Variants in XPNPEP1 observed in about 807,000 individuals in gnomAD.
XPNPEP1 encodes the protein X-prolyl aminopeptidase 1.
Under a neutral mutation model 92.4 loss-of-function variants are expected in XPNPEP1, and 39 were observed. The ratio of observed to expected loss-of-function variants is 0.42; its 90% CI spans 0.33 to 0.55. XPNPEP1 has a LOEUF of 0.55. Among genes scored for constraint, XPNPEP1 ranks in the 20% least tolerant of loss-of-function variants. The pLI, the probability that XPNPEP1 is intolerant of heterozygous loss-of-function variation, is 0.08. For synonymous variants in XPNPEP1, 307 were observed against 299.4 expected, an observed-to-expected ratio of 1.03 and a Z score of -0.26; for missense variants, 654 against 856.1, an observed-to-expected ratio of 0.76 and a Z score of 2.95.
intron 1 of XPNPEP1, among the ~76,000 whole-genome samples, chr10:109,920,179 TAA>T (rs1392598585): frequency 6.6e-6 from 1 of 152,156 alleles, no homozygotes; most frequent in Admixed American, 6.5e-5. Context: ...GGCAAATCGG[TAA>T]AGACAGGAAG....
chr10:109,884,180 T>C (rs1310458026), intron 8 of XPNPEP1, 32 bp from the exon 9 acceptor site: 1 of 1,608,482 alleles, frequency 6.2e-7, no homozygotes, highest in East Asian at 2.2e-5. Context: ...CTGTCACCTG[T>C]CTGACTTAAG....
At chr10:109,910,356 C>G (rs1307643141) in intron 2 of XPNPEP1, among the ~76,000 whole-genome samples, 1 of 152,092 alleles carries the variant, frequency 6.6e-6, no homozygotes, top group Non-Finnish European at 1.5e-5. Context: ...ACCAGCCTGA[C>G]CAACATAGAG....
At chr10:109,884,229 A>G (rs1589573240) in intron 8 of XPNPEP1, 81 bp from the exon 9 acceptor site, 2 of 1,344,288 alleles carry the variant, frequency 1.5e-6, no homozygotes, top group Non-Finnish European at 2.1e-6. Flanking sequence ...GAAGAGCTTC[A>G]GCTTGGAGTC....
intron 10 of XPNPEP1, 125 bp downstream of exon 10, chr10:109,882,307 T>C (rs1320745691): frequency 1.8e-6 from 2 of 1,100,882 alleles, no homozygotes; most frequent in East Asian, 5.1e-5. Context: ...CTTTAAGGCC[T>C]CATCCATGGA....
At chr10:109,899,228 C>A (rs1458006511) in intron 3 of XPNPEP1, among the ~76,000 whole-genome samples, 1 of 152,200 alleles carries the variant, frequency 6.6e-6, no homozygotes, top group Non-Finnish European at 1.5e-5. Context: ...AGCTGCCCAG[C>A]CAGGCCTTCA....
At chr10:109,895,505 A>G (rs1437143177) in intron 3 of XPNPEP1, among the ~76,000 whole-genome samples, 1 of 152,248 alleles carries the variant, frequency 6.6e-6, no homozygotes, top group African/African-American at 2.4e-5. Flanking sequence ...ATGTCCAGAC[A>G]TGACCTAAGT....
At position 109,870,787 on chromosome 10, in the gene XPNPEP1, A is replaced by T; in HGVS notation, c.1640T>A (p.Ile547Asn). 1 of 1,614,136 alleles carries T rather than the reference A, an allele frequency of 6.2e-7. No homozygotes were observed. Among genetic ancestry groups the T allele is most frequent in the Non-Finnish European group, 8.5e-7 (1 of 1,180,014 alleles). Residue 547 changes from isoleucine (I) to asparagine (N), a missense_variant, in exon 18 of 21, where the codon ATC (isoleucine) becomes AAC (asparagine). By Grantham distance (149) the Ile-to-Asn change is moderately radical (BLOSUM62 -3). Coordinates refer to ENST00000502935, the MANE Select transcript of XPNPEP1 (RefSeq NM_020383.4). ...FLNVHEGPCG[I>N]SYKTFSDEPL... ...CTCATCAGAGAATGTTTTGTAACTG[A>T]TGCCGCAAGGACCCTCATGGACATT...
At chr10:109,900,337 CCTCT>C (rs1459233338) in intron 3 of XPNPEP1, among the ~76,000 whole-genome samples, 2 of 152,262 alleles carry the variant, frequency 1.3e-5, no homozygotes, top group South Asian at 2.1e-4. Flanking sequence ...GGAACAGCAG[CCTCT>C]CTATTACTGA....
chr10:109,869,777 G>C, intron 19 of XPNPEP1, 176 bp downstream of exon 19: 1 of 569,818 alleles, frequency 1.8e-6, no homozygotes, highest in Non-Finnish European at 3.1e-6. Context: ...AAGGCTCCAT[G>C]TTGGCCCCAG....
Position 109,882,591 on chromosome 10 carries a change from C to G in XPNPEP1, c.882G>C (p.Leu294=), listed in dbSNP as rs762883933. Residue 294 remains leucine (L), a synonymous_variant, in exon 10 of 21, where the codon CTG becomes CTC. Coordinates refer to ENST00000502935, the MANE Select transcript of XPNPEP1 (RefSeq NM_020383.4). ...RIDAPSVKEH[L]LLDLGLEAEY... ...CGGCTTCCAGACCCAAGTCAAGAAGCAGGTGCTCCTTCACACTGGGGGCGT... is the reference window on the plus strand; with the variant it reads ...CGGCTTCCAGACCCAAGTCAAGAAGGAGGTGCTCCTTCACACTGGGGGCGT... 2 of 1,614,192 alleles carry G rather than the reference C, an allele frequency of 1.2e-6. No homozygotes were observed. The highest frequency in any genetic ancestry group is 2.2e-5 in the East Asian group (1 of 44,888).
In XPNPEP1 at chr10:109,882,647, A is replaced by C; in HGVS notation, c.831-5T>G. ...CGGTCACCATCAATGAAGAGCCTGC[A>C]GATGGAGGAGAGGTGGGTGGCAGAA... On this transcript the variant is annotated splice_polypyrimidine_tract_variant and splice_region_variant and intron_variant, in intron 9 of 20. Transcript: ENST00000502935. 6.2e-7 allele frequency: 1 copy of C among 1,614,026 alleles called. No homozygotes were observed. Among genetic ancestry groups the C allele is most frequent in the Non-Finnish European group, 8.5e-7 (1 of 1,179,906 alleles).
At chr10:109,888,409 C>G (rs550654703) in intron 6 of XPNPEP1, 94 bp downstream of exon 6, 53 of 1,330,212 alleles carry the variant, frequency 4.0e-5, no homozygotes, top group East Asian at 2.7e-4. Context: ...GCTGAGCCCC[C>G]CAGTGCTCCA....
chr10:109,907,578 G>A (rs1362285903), intron 3 of XPNPEP1, 113 bp downstream of exon 3: 1 of 1,498,678 alleles, frequency 6.7e-7, no homozygotes, highest in Non-Finnish European at 9.0e-7. Context: ...AGCAAGCCCT[G>A]GAAGGGCTTG....
chr10:109,875,404 T>G (rs1166686678), intron 15 of XPNPEP1, 124 bp downstream of exon 15: 12 of 755,858 alleles, frequency 1.6e-5, no homozygotes, highest in Non-Finnish European at 2.4e-5. Flanking sequence ...ACAGGAACGA[T>G]TCCATTAGTG....
intron 3 of XPNPEP1, among the ~76,000 whole-genome samples, chr10:109,905,193 C>T (rs908183132): frequency 6.6e-6 from 1 of 152,076 alleles, no homozygotes; most frequent in Non-Finnish European, 1.5e-5. Flanking sequence ...CAATTACATG[C>T]GTTATCTAAA....
intron 3 of XPNPEP1, among the ~76,000 whole-genome samples, chr10:109,901,174 A>G (rs1849268448): frequency 6.7e-6 from 1 of 149,192 alleles, no homozygotes; most frequent in Non-Finnish European, 1.5e-5. Flanking sequence ...TGAGCAAACT[A>G]TCGCAAGGAC....
chr10:109,891,503 C>A, intron 5 of XPNPEP1: 1 of 412,104 alleles, frequency 2.4e-6, no homozygotes, highest in Non-Finnish European at 4.3e-6. Flanking sequence ...CTCAGTTTCC[C>A]CTCAGTAAAA....
chr10:109,908,845 A>G (rs1849699390), intron 2 of XPNPEP1, among the ~76,000 whole-genome samples: 1 of 152,196 alleles, frequency 6.6e-6, no homozygotes, highest in African/African-American at 2.4e-5. Flanking sequence ...ATATCCAGCT[A>G]CAGATTTAGA....
chr10:109,875,928 G>A (rs1027342066), intron 14 of XPNPEP1: 17 of 246,904 alleles, frequency 6.9e-5, no homozygotes, highest in Admixed American at 9.9e-5. Flanking sequence ...AGAACGATTA[G>A]ATGCAACAGG....
Sources: allele counts gnomAD v4.1 joint callset (sites outside exome capture counted in the v4.1 genomes callset), GRCh38; gene constraint gnomAD v4.1.1; transcripts MANE v1.5; gene names NCBI Gene and HGNC (gene_info 2026-07-23, HGNC 2026-07-21).